EFHB: variants seen among roughly 807,000 people sequenced by gnomAD.
EFHB encodes the protein EF-hand domain family member B.
In EFHB, 91 loss-of-function variants were observed where a neutral mutation model predicts 87.2. The observed-to-expected ratio is 1.04, with a 90% confidence interval of 0.88 to 1.24. The LOEUF is 1.24. Ranked by LOEUF, EFHB falls within the 50% of genes most tolerant of loss-of-function variation. The pLI is 0.00. For synonymous variants in EFHB, 325 were observed against 333.6 expected, an observed-to-expected ratio of 0.97 and a Z score of 0.28; for missense variants, 1,084 against 998.8, an observed-to-expected ratio of 1.09 and a Z score of -1.15.
At chr3:19,894,989 A>AAAAAATATATATATATATATATATAT (rs369564576) in intron 9 of EFHB, 9 of 144,520 alleles carry the variant, frequency 6.2e-5, no homozygotes, top group African/African-American at 2.4e-4. Flanking sequence ...TGTCTCAAAA[A>AAAAAATATATATATATATATATATAT]ATATATATAT....
chr3:19,898,772 A>G lies in EFHB; in HGVS notation c.1570+6T>C. 1.2e-6 allele frequency: 2 copies of G among 1,613,146 alleles called. No individual in the cohort carries two copies. Among genetic ancestry groups the G allele is most frequent in the Non-Finnish European group, 1.7e-6 (2 of 1,179,514 alleles). ...GGTTTTTTACGGAGAAAGTGTGTAT[A>G]TTTACCATATTCCTCAGGACGGAGA... is the stretch of plus-strand genomic sequence containing the variant. On this transcript the variant is annotated splice_donor_region_variant and intron_variant, in intron 8 of 12. Transcript: ENST00000295824.
upstream of EFHB, among the ~76,000 whole-genome samples, chr3:19,935,783 G>A (rs558828071): frequency 1.2e-4 from 18 of 151,964 alleles, no homozygotes; most frequent in East Asian, 1.9e-3. Flanking sequence ...AGGTAGAGGC[G>A]GGTGGATCAC....
intron 3 of EFHB, among the ~76,000 whole-genome samples, chr3:19,918,831 T>A (rs1280796195): frequency 1.0e-4 from 14 of 134,820 alleles, no homozygotes; most frequent in Non-Finnish European, 2.1e-4. Flanking sequence ...AAAAAAAAAA[T>A]TAGCCGGGTG....
At chr3:19,914,094 C>T (rs1296728889) in intron 5 of EFHB, among the ~76,000 whole-genome samples, 1 of 152,174 alleles carries the variant, frequency 6.6e-6, no homozygotes, top group Non-Finnish European at 1.5e-5. Flanking sequence ...CAGACACGCA[C>T]CACCATGCCT....
chr3:19,909,557 G>T (rs1694985507), intron 5 of EFHB, among the ~76,000 whole-genome samples: 1 of 152,110 alleles, frequency 6.6e-6, no homozygotes, highest in Admixed American at 6.5e-5. Flanking sequence ...ACTGGGGGTG[G>T]GGTAGGTGGT....
chr3:19,895,967 C>A (rs753745651), intron 9 of EFHB, among the ~76,000 whole-genome samples: 2 of 152,174 alleles, frequency 1.3e-5, no homozygotes, highest in Non-Finnish European at 2.9e-5. Context: ...CTAGATTGAT[C>A]TGATTTTATT....
Position 19,898,833 on chromosome 3 carries a change from T to C in EFHB, c.1515A>G (p.Thr505=). The change falls in exon 8 of 13, where the codon ACA becomes ACG. Residue 505 remains threonine, a synonymous_variant. Coordinates refer to ENST00000295824, the MANE Select transcript of EFHB (RefSeq NM_144715.4). The part of the protein sequence containing the change: ...LGRVLDPIAE[T]MNVPPDCTFG... Reference sequence around the variant, plus strand: ...ATGTGCAGTCTGGGGGAACATTCATTGTTTCTGCAATGCTATCAAAGAAAA... The same window carrying C: ...ATGTGCAGTCTGGGGGAACATTCATCGTTTCTGCAATGCTATCAAAGAAAA... The C allele has an allele frequency of 6.2e-7, 1 of 1,613,782 alleles. No individual in the cohort carries two copies. Among genetic ancestry groups the C allele is most frequent in the Non-Finnish European group, 8.5e-7 (1 of 1,179,784 alleles).
chr3:19,891,020 T>C (rs1694288145), intron 9 of EFHB, among the ~76,000 whole-genome samples: 1 of 152,196 alleles, frequency 6.6e-6, no homozygotes, highest in South Asian at 2.1e-4. Flanking sequence ...CCAACCCCAG[T>C]AACATCTCAG....
chr3:19,880,930 G>T (rs914293242), intron 12 of EFHB, among the ~76,000 whole-genome samples: 5 of 151,402 alleles, frequency 3.3e-5, no homozygotes, highest in South Asian at 4.2e-4. Context: ...AACAAAAAGG[G>T]AAATGAAAAG....
intron 1 of EFHB, chr3:19,942,437 T>C (rs1696180953): frequency 6.6e-6 from 1 of 152,448 alleles, no homozygotes; most frequent in Non-Finnish European, 1.5e-5. Flanking sequence ...ACAGAGCAGC[T>C]GTCCCCAACC....
At chr3:19,884,646 C>T (rs747665951) in intron 10 of EFHB, 31 bp from the exon 11 acceptor site, 1 of 1,594,888 alleles carries the variant, frequency 6.3e-7, no homozygotes, top group South Asian at 1.1e-5. Context: ...AGAAAAAATG[C>T]AGGAATACAT....
chr3:19,931,265 C>T (rs968742806), intron 1 of EFHB, among the ~76,000 whole-genome samples: 5 of 152,232 alleles, frequency 3.3e-5, no homozygotes, highest in Non-Finnish European at 5.9e-5. Flanking sequence ...TGATTTAACA[C>T]TGCTGGTCAC....
At chr3:19,901,634 C>A (rs994700948) in intron 6 of EFHB, among the ~76,000 whole-genome samples, 1 of 152,060 alleles carries the variant, frequency 6.6e-6, no homozygotes, top group Non-Finnish European at 1.5e-5. Context: ...ATAACTTGAA[C>A]AAACAGAGTT....
chr3:19,946,873 C>G (rs903965831), intron 1 of EFHB: 4 of 152,382 alleles, frequency 2.6e-5, no homozygotes, highest in African/African-American at 7.2e-5. Flanking sequence ...CAGAGACCCC[C>G]CAGCCTAAAT....
chr3:19,910,905 C>A (rs112193095), intron 5 of EFHB, among the ~76,000 whole-genome samples: 6,010 of 152,308 alleles, frequency 0.039, 380 homozygotes, highest in African/African-American at 0.13. Context: ...TGGGGTGCCC[C>A]CTAAAGCAGA....
chr3:19,882,024 T>C (rs1574985868), intron 12 of EFHB, among the ~76,000 whole-genome samples: 1 of 116,482 alleles, frequency 8.6e-6, no homozygotes, highest in South Asian at 2.7e-4. Context: ...CAAAAATAAA[T>C]AAATAAATAA....
chr3:19,924,299 C>T (rs1042916346), intron 1 of EFHB, among the ~76,000 whole-genome samples: 6 of 151,512 alleles, frequency 4.0e-5, no homozygotes, highest in African/African-American at 9.7e-5. Flanking sequence ...CTATAACCTC[C>T]GCCTCCCAGG....
Position 19,934,068 on chromosome 3 carries a change from G to A in EFHB, c.-50C>T. 1 of 1,532,074 alleles carries A rather than the reference G, an allele frequency of 6.5e-7. No individual in the cohort carries two copies. Among genetic ancestry groups the A allele is most frequent in the South Asian group, 1.2e-5 (1 of 82,158 alleles). 94.9% of individuals were successfully genotyped at this position (1,532,074 alleles called of 1,614,324 possible). A position where few individuals can be genotyped will look rare whatever the true frequency, so the allele number is the denominator to read the frequency against. On this transcript the variant is annotated 5_prime_UTR_variant, in exon 1 of 13. Coordinates refer to ENST00000295824, the MANE Select transcript of EFHB (RefSeq NM_144715.4). Reference sequence around the variant, plus strand: ...TCTCCAAGAGCGCTCATCTCTAAGGGGAAAGCTGTACCTGGCTACAAAGAC... The same window carrying A: ...TCTCCAAGAGCGCTCATCTCTAAGGAGAAAGCTGTACCTGGCTACAAAGAC...
intron 1 of EFHB, among the ~76,000 whole-genome samples, chr3:19,939,444 G>A (rs1696102868): frequency 7.4e-6 from 1 of 135,136 alleles, no homozygotes; most frequent in Admixed American, 8.3e-5. Flanking sequence ...GAGTGCAGTG[G>A]CGCGATCTTG....
Sources: allele counts gnomAD v4.1 joint callset (sites outside exome capture counted in the v4.1 genomes callset), GRCh38; gene constraint gnomAD v4.1.1; transcripts MANE v1.5; gene names NCBI Gene and HGNC (gene_info 2026-07-23, HGNC 2026-07-21).